Variants in PHGR1 observed in about 807,000 individuals in gnomAD.
PHGR1 encodes the protein proline, histidine and glycine-rich protein 1.
Under a neutral mutation model 4.9 loss-of-function variants are expected in PHGR1, and 3 were observed. The ratio of observed to expected loss-of-function variants is 0.61; its 90% CI spans 0.28 to 1.58. The LOEUF (loss-of-function observed/expected upper bound fraction) is 1.58. PHGR1 is among the 40% of genes most tolerant of loss of function. The pLI is 0.11. For synonymous variants in PHGR1, 32 were observed against 46.1 expected, an observed-to-expected ratio of 0.69 and a Z score of 1.24; for missense variants, 81 against 118.7, an observed-to-expected ratio of 0.68 and a Z score of 1.48.
chr15:40,356,087 T>C lies in PHGR1; in HGVS notation c.33T>C (p.Cys11=), dbSNP rs1889290070. MDPGPKGHCH[C]GGHGHPPGHC... is the part of the protein sequence containing the mutation. ...ACTTTCCACAGGGGCACTGCCACTGTGGGGGGCATGGCCATCCTCCAGGTC... is the reference window on the plus strand; with the variant it reads ...ACTTTCCACAGGGGCACTGCCACTGCGGGGGGCATGGCCATCCTCCAGGTC... The change falls in exon 4 of 4, where the codon TGT becomes TGC. Residue 11 remains cysteine (C), a synonymous_variant. Transcript: ENST00000448599. The C allele has an allele frequency of 6.5e-7, 1 of 1,549,428 alleles. No homozygotes were observed. The highest frequency in any genetic ancestry group is 2.0e-5 in the Admixed American group (1 of 50,956).
Position 40,354,365 on chromosome 15 carries a change from C to T in PHGR1, c.18+13C>T, listed in dbSNP as rs1823835884. The T allele has an allele frequency of 5.2e-6, 8 of 1,535,198 alleles. No homozygotes were observed. Among genetic ancestry groups the T allele is most frequent in the Non-Finnish European group, 7.0e-6 (8 of 1,145,190 alleles). ...CACAGGTCCGAAGGTAGGAAAGTTC[C>T]CCCAATGGTCTCCCCTTTTTCCTCC... On this transcript the variant is annotated intron_variant, in intron 3 of 3. Transcript: ENST00000448599.
intron 3 of PHGR1, 41 bp downstream of exon 3, chr15:40,354,393 C>T (rs1889256637): frequency 2.0e-6 from 3 of 1,520,836 alleles, no homozygotes; most frequent in Non-Finnish European, 2.6e-6. Context: ...TTTCCTCCCA[C>T]TGTCATGTCC....
At chr15:40,352,906 C>G (rs1326780238) in intron 1 of PHGR1, among the ~76,000 whole-genome samples, 1 of 152,158 alleles carries the variant, frequency 6.6e-6, no homozygotes. Flanking sequence ...CGGATTAACA[C>G]ACAATTGTTG....
At chr15:40,353,115 GTGTGTGT>G in intron 1 of PHGR1, 110 bp from the exon 2 acceptor site, 2 of 353,242 alleles carry the variant, frequency 5.7e-6, no homozygotes, top group Admixed American at 8.0e-5. Flanking sequence ...TGAAGGGTGT[GTGTGTGT>G]GTGTGTGTGT....
intron 3 of PHGR1, 32 bp from the exon 4 acceptor site, chr15:40,356,041 G>A: frequency 6.5e-7 from 1 of 1,544,984 alleles, no homozygotes; most frequent in Non-Finnish European, 8.8e-7. Context: ...CCTGACCTCT[G>A]ACTCTGACAT....
At chr15:40,351,129 G>A (rs149076709) in intron 1 of PHGR1, 67 bp downstream of exon 1, 326 of 152,672 alleles carry the variant, frequency 2.1e-3, no homozygotes, top group Non-Finnish European at 3.5e-3. Context: ...TGTTGTGTGT[G>A]CATGTGGTCA....
At chr15:40,353,390 G>C (rs1341823987) in intron 2 of PHGR1, 123 bp downstream of exon 2, 1 of 1,267,796 alleles carries the variant, frequency 7.9e-7, no homozygotes, top group Admixed American at 2.1e-5. Context: ...GTGTGTGTTT[G>C]TATGAAGGCA....
chr15:40,355,986 C>T, intron 3 of PHGR1, 87 bp from the exon 4 acceptor site: 4 of 1,370,438 alleles, frequency 2.9e-6, no homozygotes, highest in Non-Finnish European at 3.0e-6. Context: ...CCTGAGTCCC[C>T]CAGGGAAGTG....
intron 3 of PHGR1, among the ~76,000 whole-genome samples, chr15:40,354,862 G>C (rs1336965555): frequency 6.6e-6 from 1 of 151,910 alleles, no homozygotes; most frequent in Non-Finnish European, 1.5e-5. Flanking sequence ...CCAAACAAAA[G>C]AGCCATAGGC....
chr15:40,354,453 C>G, intron 3 of PHGR1, 101 bp downstream of exon 3: 1 of 1,367,958 alleles, frequency 7.3e-7, no homozygotes, highest in Non-Finnish European at 9.9e-7. Flanking sequence ...GCCACCACTT[C>G]CCCCAAATGA....
At position 40,355,971 on chromosome 15, in the gene PHGR1, G is replaced by C. The variant is rs1889287547; in HGVS notation, c.19-102G>C. 5 of 1,281,780 alleles carry C rather than the reference G, an allele frequency of 3.9e-6. 1 individual carries two copies. In the East Asian group the frequency reaches 1.3e-4, roughly 32 times the overall value. The allele number at this position is 1,281,780 out of a possible 1,614,324, so 79.4% of individuals were successfully genotyped here. The stretch of plus-strand genomic sequence containing the variant: ...TCCACCGCAACTCCTTACTTGCCTA[G>C]AAATCCTGAGTCCCCCAGGGAAGTG... On this transcript the variant is annotated intron_variant, in intron 3 of 3. Coordinates refer to ENST00000448599, the MANE Select transcript of PHGR1 (RefSeq NM_001145643.2).
intron 2 of PHGR1, 61 bp downstream of exon 2, chr15:40,353,328 AG>A: frequency 2.6e-6 from 4 of 1,548,882 alleles, no homozygotes. Context: ...AGAGCGGTAA[AG>A]GCAGGGACTA....
intron 3 of PHGR1, among the ~76,000 whole-genome samples, chr15:40,355,397 T>G (rs1027954499): frequency 6.6e-6 from 1 of 152,206 alleles, no homozygotes; most frequent in Non-Finnish European, 1.5e-5. Context: ...TGCACGTATC[T>G]GTGTACATAC....
chr15:40,351,533 G>A (rs17670745), intron 1 of PHGR1, among the ~76,000 whole-genome samples: 31,195 of 152,120 alleles, frequency 0.21, 3,612 homozygotes, highest in Non-Finnish European at 0.26. Context: ...GGGAAAGGAC[G>A]AGGGAGCACG....
At position 40,353,224 on chromosome 15, in the gene PHGR1, G is replaced by A; in HGVS notation, c.-26-8G>A. Reference sequence around the variant, plus strand: ...TACAGTAAATTAAAAGTTACCTTTTGAACACAGGTATTCCCTGCTCTTACT... The same window carrying A: ...TACAGTAAATTAAAAGTTACCTTTTAAACACAGGTATTCCCTGCTCTTACT... On this transcript the variant is annotated splice_region_variant and splice_polypyrimidine_tract_variant and intron_variant, in intron 1 of 3. Coordinates refer to ENST00000448599, the MANE Select transcript of PHGR1 (RefSeq NM_001145643.2). 6.5e-7 allele frequency: 1 copy of A among 1,548,586 alleles called. No homozygotes were observed. The highest frequency in any genetic ancestry group is 8.7e-7 in the Non-Finnish European group (1 of 1,145,100).
At position 40,356,319 on chromosome 15, in the gene PHGR1, CAG is replaced by C. The variant is rs1466098643; in HGVS notation, c.*17_*18del. 6.5e-7 allele frequency: 1 copy of C among 1,549,708 alleles called. No individual in the cohort carries two copies. Among genetic ancestry groups the C allele is most frequent in the African/African-American group, 1.4e-5 (1 of 72,996 alleles). On this transcript the variant is annotated 3_prime_UTR_variant, in exon 4 of 4. Coordinates refer to ENST00000448599, the MANE Select transcript of PHGR1 (RefSeq NM_001145643.2). Reference sequence around the variant, plus strand: ...ACATCACTGAGGAAGTAGAAGAAAACAGGACACAAGATGGCAAGCCTGAGAGA... The same window carrying C: ...ACATCACTGAGGAAGTAGAAGAAAACGACACAAGATGGCAAGCCTGAGAGA...
At chr15:40,356,012 G>C in intron 3 of PHGR1, 61 bp from the exon 4 acceptor site, 1 of 1,496,106 alleles carries the variant, frequency 6.7e-7, no homozygotes, top group Admixed American at 2.0e-5. Flanking sequence ...AGGGAGAGCT[G>C]ATCTCAGGTA....
Position 40,356,412 on chromosome 15 carries a change from G to GACT in PHGR1, c.*110_*111insCTA, listed in dbSNP as rs961194801. 11 of 1,498,972 alleles carry GACT rather than the reference G, an allele frequency of 7.3e-6. No individual in the cohort carries two copies. The African/African-American group carries it at 1.2e-4, about 17-fold the overall frequency. 92.9% of individuals were successfully genotyped at this position (1,498,972 alleles called of 1,614,324 possible). On this transcript the variant is annotated 3_prime_UTR_variant, in exon 4 of 4. Transcript: ENST00000448599. ...TCTCTTCCTAATAAACAGCCTCCTA[G>GACT]AGGCCACATTCTATTCTTTAAAGAG...
intron 2 of PHGR1, chr15:40,353,905 G>C (rs1889248366): frequency 4.7e-6 from 1 of 211,610 alleles, no homozygotes. Context: ...GCTCTGAGAG[G>C]CTGAGCAGAG....
Sources: gnomAD v4.1 joint callset for allele counts (sites outside exome capture counted in the v4.1 genomes callset) on GRCh38, gnomAD v4.1.1 for gene constraint, MANE v1.5 for transcripts, NCBI Gene and HGNC (gene_info 2026-07-23, HGNC 2026-07-21) for gene names.